AKR1B1: variants seen among roughly 807,000 people sequenced by gnomAD.
AKR1B1 encodes aldo-keto reductase family 1 member B, also known as aldo-keto reductase family 1 member B1.
A neutral mutation model predicts 40.4 loss-of-function variants in AKR1B1; 22 were observed. The ratio of observed to expected loss-of-function variants is 0.54; its 90% CI spans 0.39 to 0.78. The LOEUF is 0.78. Among genes scored for constraint, AKR1B1 ranks in the 30% least tolerant of loss-of-function variants. AKR1B1 has a pLI of 0.00. For synonymous variants in AKR1B1, 157 were observed against 149.9 expected, an observed-to-expected ratio of 1.05 and a Z score of -0.35; for missense variants, 357 against 396.7, an observed-to-expected ratio of 0.90 and a Z score of 0.85.
intron 8 of AKR1B1, among the ~76,000 whole-genome samples, 186 bp from the exon 9 acceptor site, chr7:134,445,506 G>A (rs1806066419): frequency 6.6e-6 from 1 of 152,190 alleles, no homozygotes; most frequent in Non-Finnish European, 1.5e-5. Flanking sequence ...TATATGGAAC[G>A]ATGGAAACAG....
chr7:134,458,398 G>A (rs989898505), intron 1 of AKR1B1, among the ~76,000 whole-genome samples: 13 of 152,100 alleles, frequency 8.5e-5, no homozygotes, highest in African/African-American at 3.1e-4. Context: ...TCCGCACTGC[G>A]CCTTGTTAAC....
intron 1 of AKR1B1, among the ~76,000 whole-genome samples, chr7:134,458,615 G>A (rs879631165): frequency 6.6e-6 from 1 of 152,142 alleles, no homozygotes; most frequent in Admixed American, 6.5e-5. Context: ...CTGCGCCCGA[G>A]GTCCACCGGT....
intron 1 of AKR1B1, among the ~76,000 whole-genome samples, chr7:134,457,296 G>C (rs141459543): frequency 6.8e-4 from 104 of 152,302 alleles, no homozygotes; most frequent in Non-Finnish European, 1.2e-3. Flanking sequence ...GTACTGTTAA[G>C]TAATTTTTAT....
intron 9 of AKR1B1, among the ~76,000 whole-genome samples, 184 bp from the exon 10 acceptor site, chr7:134,442,954 C>G (rs1805983413): frequency 6.6e-6 from 1 of 152,208 alleles, no homozygotes; most frequent in Non-Finnish European, 1.5e-5. Context: ...CTCCAGACCC[C>G]TCTACCACTA....
At position 134,442,646 on chromosome 7, in the gene AKR1B1, G is replaced by A. The variant is rs1805971915; in HGVS notation, c.*82C>T. The A allele has an allele frequency of 7.0e-7, 1 of 1,423,288 alleles. No homozygotes were observed. Among genetic ancestry groups the A allele is most frequent in the African/African-American group, 1.4e-5 (1 of 70,820 alleles). 88.2% of individuals were successfully genotyped at this position (1,423,288 alleles called of 1,614,324 possible). Reference sequence around the variant, plus strand: ...TGCTGTCCCACTGCTGAGTGACACAGGCCATACTACATTTGCAAGGAAAAA... The same window carrying A: ...TGCTGTCCCACTGCTGAGTGACACAAGCCATACTACATTTGCAAGGAAAAA... On this transcript the variant is annotated 3_prime_UTR_variant, in exon 10 of 10. Transcript: ENST00000285930.
At chr7:134,444,844 G>A (rs2691839) in intron 9 of AKR1B1, 12 of 327,580 alleles carry the variant, frequency 3.7e-5, no homozygotes, top group Non-Finnish European at 5.3e-5. Context: ...AGCCCCAGGG[G>A]CTCCCGACCA....
intron 4 of AKR1B1, 31 bp downstream of exon 4, chr7:134,449,689 G>A (rs770823884): frequency 2.1e-5 from 33 of 1,586,156 alleles, no homozygotes; most frequent in Non-Finnish European, 2.7e-5. Flanking sequence ...AACCAGTCAC[G>A]AAAACAAGGT....
At chr7:134,456,887 T>A (rs553350216) in intron 1 of AKR1B1, among the ~76,000 whole-genome samples, 3 of 152,200 alleles carry the variant, frequency 2.0e-5, no homozygotes, top group African/African-American at 7.2e-5. Context: ...TTTTGGGGCA[T>A]TGAGTGCTCA....
At chr7:134,444,091 C>T (rs373517906) in intron 9 of AKR1B1, among the ~76,000 whole-genome samples, 1 of 152,120 alleles carries the variant, frequency 6.6e-6, no homozygotes, top group Non-Finnish European at 1.5e-5. Flanking sequence ...AAAAGGAAGA[C>T]GGATGAATGG....
chr7:134,449,725 A>T lies in AKR1B1; in HGVS notation c.424T>A (p.Trp142Arg). The T allele has an allele frequency of 6.2e-7, 1 of 1,613,992 alleles. No individual in the cohort carries two copies. The highest frequency in any genetic ancestry group is 8.5e-7 in the Non-Finnish European group (1 of 1,179,822). Residue 142 changes from tryptophan (W) to arginine (R), a missense_variant, in exon 4 of 10, where the codon TGG becomes AGG. Trp to Arg is a moderately radical substitution (Grantham distance 101). Coordinates refer to ENST00000285930, the MANE Select transcript of AKR1B1 (RefSeq NM_001628.4). ...VPSDTNILDT[W>R]AAMEELVDEG... Reference sequence around the variant, plus strand: ...CCAACCAGGGGCTGTCTTACCGCCCACGTGTCCAGAATGTTGGTGTCACTG... The same window carrying T: ...CCAACCAGGGGCTGTCTTACCGCCCTCGTGTCCAGAATGTTGGTGTCACTG...
At position 134,444,490 on chromosome 7, in the gene AKR1B1, T is replaced by C. The variant is rs1806037767; in HGVS notation, c.908+748A>G. ...CCCATCTTAGGGAATGTTCACATTT[T>C]GCTTAGAAGAGGAAGTACTAAAGGA... On this transcript the variant is annotated intron_variant, in intron 9 of 9. Transcript: ENST00000285930. Among the ~76,000 whole-genome samples, 6 of 152,366 alleles carry C rather than the reference T, an allele frequency of 3.9e-5. No individual in the cohort carries two copies. The South Asian group carries it at 1.2e-3, about 32-fold the overall frequency.
At chr7:134,447,067 T>C (rs915648179) in intron 8 of AKR1B1, among the ~76,000 whole-genome samples, 35 of 151,934 alleles carry the variant, frequency 2.3e-4, no homozygotes, top group African/African-American at 8.5e-4. Flanking sequence ...TGAGCAAAGG[T>C]GTAGGTGTAT....
In AKR1B1 at chr7:134,447,316, G is replaced by A. The variant is rs144517056; in HGVS notation, c.807C>T (p.Arg269=). The A allele has an allele frequency of 4.6e-5, 75 of 1,614,096 alleles. 1 individual carries two copies. The African/African-American group carries it at 6.9e-4, about 15-fold the overall frequency. The part of the protein sequence containing the change: ...VVIPKSVTPE[R]IAENFKVFDF... ...ATCTTACCTTAAAGTTCTCAGCAAT[G>A]CGTTCTGGTGTCACAGACTTGGGGA... is the stretch of plus-strand genomic sequence containing the variant. Residue 269 remains arginine, a synonymous_variant, in exon 8 of 10, where the codon CGC becomes CGT. Coordinates refer to ENST00000285930, the MANE Select transcript of AKR1B1 (RefSeq NM_001628.4).
chr7:134,459,054 G>A lies in AKR1B1; in HGVS notation c.9C>T (p.Ser3=), dbSNP rs373110344. The A allele has an allele frequency of 4.4e-6, 7 of 1,604,088 alleles. No individual in the cohort carries two copies. Among genetic ancestry groups the A allele is most frequent in the African/African-American group, 2.7e-5 (2 of 74,728 alleles). Residue 3 remains serine, a synonymous_variant, in exon 1 of 10, where the codon AGC becomes AGT. Transcript: ENST00000285930. MA[S]RLLLNNGAKM... is the part of the protein sequence containing the mutation. ...TGGCGCCGTTGTTGAGCAGGAGACG[G>A]CTTGCCATGGCTGCTGCGCTCCCCA...
intron 5 of AKR1B1, among the ~76,000 whole-genome samples, chr7:134,448,733 T>A (rs905395682): frequency 6.6e-6 from 1 of 152,194 alleles, no homozygotes; most frequent in East Asian, 1.9e-4. Context: ...CTTTAGCCAC[T>A]TATCAACTAT....
chr7:134,450,946 G>A (rs1263772077), intron 2 of AKR1B1, 44 bp from the exon 3 acceptor site: 1 of 1,524,510 alleles, frequency 6.6e-7, no homozygotes. Flanking sequence ...CAGCCACAAG[G>A]CAGCTTCCTG....
chr7:134,458,500 T>C (rs1485600778), intron 1 of AKR1B1, among the ~76,000 whole-genome samples: 2 of 152,122 alleles, frequency 1.3e-5, no homozygotes, highest in African/African-American at 4.8e-5. Flanking sequence ...ATCGAAACGA[T>C]TGAGACCAAC....
rs796974029 is a variant in AKR1B1 at position 134,456,351 on chromosome 7, C to T, written c.66+2646G>A. On this transcript the variant is annotated intron_variant, in intron 1 of 9. Transcript: ENST00000285930. ...AGTAGCTGGGACTACAGGTGCGTGC[C>T]ACGATGCCGGGCTAATTTTTTGTAT... Among the ~76,000 whole-genome samples the T allele has an allele frequency of 9.2e-5, 14 of 152,156 alleles. 1 individual carries two copies. Among genetic ancestry groups the T allele is most frequent in the African/African-American group, 3.4e-4 (14 of 41,504 alleles).
At chr7:134,443,914 G>T (rs1424230741) in intron 9 of AKR1B1, among the ~76,000 whole-genome samples, 4 of 152,072 alleles carry the variant, frequency 2.6e-5, no homozygotes, top group South Asian at 2.1e-4. Flanking sequence ...GCATGTCAGG[G>T]CTAGCCTCTT....
Sources: gnomAD v4.1 joint callset for allele counts (sites outside exome capture counted in the v4.1 genomes callset) on GRCh38, gnomAD v4.1.1 for gene constraint, MANE v1.5 for transcripts, NCBI Gene and HGNC (gene_info 2026-07-23, HGNC 2026-07-21) for gene names.